RBFOX1: variants seen among roughly 807,000 people sequenced by gnomAD.
The protein encoded by RBFOX1 is RNA binding protein fox-1 homolog 1.
RBFOX1 carries 8 observed loss-of-function variants against 57.7 expected under a neutral mutation model. The observed-to-expected ratio is 0.14, with a 90% confidence interval of 0.08 to 0.25. The LOEUF (loss-of-function observed/expected upper bound fraction) is 0.25. Ranked by LOEUF, RBFOX1 falls within the 10% of genes least tolerant of loss-of-function variation. RBFOX1 has a pLI of 1.00. For missense variants in RBFOX1, 611 were observed against 548.5 expected, an observed-to-expected ratio of 1.11 and a Z score of -1.14; for synonymous variants, 326 against 222.4, an observed-to-expected ratio of 1.47 and a Z score of -4.15.
intron 3 of RBFOX1, among the ~76,000 whole-genome samples, chr16:5,836,281 G>A (rs989040240): frequency 6.6e-6 from 1 of 152,142 alleles, no homozygotes; most frequent in African/African-American, 2.4e-5. Flanking sequence ...GGAAGTCCAG[G>A]TAGACAGGCA....
downstream of RBFOX1, among the ~76,000 whole-genome samples, chr16:5,603,910 T>C (rs974573811): frequency 6.6e-6 from 1 of 152,170 alleles, no homozygotes; most frequent in African/African-American, 2.4e-5. Context: ...TTTCTCTCTT[T>C]CTTGATATAG....
chr16:7,157,949 G>T (rs1207704960), intron 4 of RBFOX1, among the ~76,000 whole-genome samples: 1 of 152,178 alleles, frequency 6.6e-6, no homozygotes, highest in Admixed American at 6.5e-5. Flanking sequence ...AGCATTTAAT[G>T]TTGAGATGAT....
rs552519557 is a variant in RBFOX1 at position 6,269,809 on chromosome 16, T to G, written c.-126-47186T>G. 2.3e-4 allele frequency among the ~76,000 whole-genome samples: 35 copies of G among 152,246 alleles called. 1 individual carries two copies. The South Asian group carries it at 7.2e-3, about 32-fold the overall frequency. ...ACATCAGCAAGGAGGAAAACAAAAA[T>G]AGCCATTAATATGATAAATTTTCCT... On this transcript the variant is annotated intron_variant, in intron 1 of 15. Transcript: ENST00000550418.
intron 4 of RBFOX1, among the ~76,000 whole-genome samples, chr16:5,962,600 C>G (rs1242003187): frequency 1.3e-5 from 2 of 152,154 alleles, no homozygotes; most frequent in East Asian, 3.8e-4. Context: ...CTACCTCATT[C>G]ATAGTCATTC....
chr16:7,614,497 G>C (rs184514212), intron 10 of RBFOX1: 1 of 152,142 alleles, frequency 6.6e-6, no homozygotes, highest in Non-Finnish European at 1.5e-5. Context: ...GATAAGATCA[G>C]TACTTGCTTA....
chr16:6,526,591 G>A (rs1430712897), intron 2 of RBFOX1, among the ~76,000 whole-genome samples: 1 of 151,978 alleles, frequency 6.6e-6, no homozygotes, highest in Admixed American at 6.6e-5. Context: ...AGCACTTTGG[G>A]AGGTGGAGGT....
At chr16:6,845,083 C>A (rs1274148263) in intron 3 of RBFOX1, among the ~76,000 whole-genome samples, 2 of 152,134 alleles carry the variant, frequency 1.3e-5, no homozygotes, top group African/African-American at 4.8e-5. Context: ...GATATTAGAC[C>A]TTTGTCAGAT....
At chr16:7,687,888 G>T (rs1198570291) in intron 14 of RBFOX1, among the ~76,000 whole-genome samples, 1 of 152,004 alleles carries the variant, frequency 6.6e-6, no homozygotes, top group Non-Finnish European at 1.5e-5. Context: ...CTGGCTGACA[G>T]ATGAGAATCA....
intron 1 of RBFOX1, among the ~76,000 whole-genome samples, chr16:6,178,062 C>G (rs1466369560): frequency 6.6e-6 from 1 of 151,772 alleles, no homozygotes; most frequent in Non-Finnish European, 1.5e-5. Flanking sequence ...TTTATTTTTC[C>G]CTAAAATATG....
chr16:5,950,036 A>G (rs28527196), intron 4 of RBFOX1, among the ~76,000 whole-genome samples: 87,204 of 152,134 alleles, frequency 0.57, 26,421 homozygotes, highest in African/African-American at 0.78. Context: ...TGAGTGATAC[A>G]TTTAATTGCT....
intron 1 of RBFOX1, among the ~76,000 whole-genome samples, chr16:5,311,466 A>G (rs964443342): frequency 6.6e-6 from 1 of 152,168 alleles, no homozygotes; most frequent in Non-Finnish European, 1.5e-5. Flanking sequence ...GTTCTTTAAG[A>G]TATCTCCATA....
chr16:6,925,757 C>A (rs148951553), intron 3 of RBFOX1, among the ~76,000 whole-genome samples: 2 of 151,596 alleles, frequency 1.3e-5, no homozygotes, highest in Non-Finnish European at 2.9e-5. Flanking sequence ...AAGCAAAGAA[C>A]GGGAAATCCC....
At chr16:7,440,508 C>A (rs62015746) in intron 4 of RBFOX1, among the ~76,000 whole-genome samples, 2 of 152,096 alleles carry the variant, frequency 1.3e-5, no homozygotes, top group African/African-American at 4.8e-5. Context: ...ATGTGGCCAG[C>A]ATTAGGCGGC....
At chr16:6,854,963 C>G (rs758516386) in intron 3 of RBFOX1, among the ~76,000 whole-genome samples, 1 of 151,704 alleles carries the variant, frequency 6.6e-6, no homozygotes, top group African/African-American at 2.4e-5. Context: ...GATTAGAATC[C>G]CTTGTTAATG....
At chr16:6,663,139 G>T (rs1173347106) in intron 3 of RBFOX1, among the ~76,000 whole-genome samples, 1 of 152,184 alleles carries the variant, frequency 6.6e-6, no homozygotes, top group Admixed American at 6.5e-5. Flanking sequence ...GGATGGGTCT[G>T]AACTAGAGCC....
At chr16:5,724,306 C>A (rs1203130101) in intron 3 of RBFOX1, among the ~76,000 whole-genome samples, 1 of 152,168 alleles carries the variant, frequency 6.6e-6, no homozygotes, top group South Asian at 2.1e-4. Context: ...ACCCTAAAGG[C>A]ACGGTGGGAT....
chr16:6,514,792 GA>G (rs2096338840), intron 2 of RBFOX1, among the ~76,000 whole-genome samples: 1 of 151,926 alleles, frequency 6.6e-6, no homozygotes, highest in Non-Finnish European at 1.5e-5. Flanking sequence ...AAGTGATGGA[GA>G]AAAATGGTGT....
In RBFOX1 at chr16:6,159,867, G is replaced by A. The variant is rs1032736149; in HGVS notation, c.-127+139875G>A. On this transcript the variant is annotated intron_variant, in intron 1 of 15. Transcript: ENST00000550418. Reference sequence around the variant, plus strand: ...CCAAAGTGCCAAGAGGAGGATATTCGGTATTAAATCAGTATCTCCTTAAAT... The same window carrying A: ...CCAAAGTGCCAAGAGGAGGATATTCAGTATTAAATCAGTATCTCCTTAAAT... Among the ~76,000 whole-genome samples the A allele has an allele frequency of 2.1e-5, 3 of 145,824 alleles. No individual in the cohort carries two copies. The Admixed American group carries it at 2.2e-4, about 11-fold the overall frequency.
In RBFOX1 at chr16:6,744,759, A is replaced by C. The variant is rs562725970; in HGVS notation, c.-16+90109A>C. Among the ~76,000 whole-genome samples, 96 of 152,220 alleles carry C rather than the reference A, an allele frequency of 6.3e-4. 1 individual carries two copies. The highest frequency in any genetic ancestry group is 2.9e-3 in the South Asian group (14 of 4,826). On this transcript the variant is annotated intron_variant, in intron 3 of 15. Coordinates refer to ENST00000550418, the MANE Select transcript of RBFOX1 (RefSeq NM_018723.4). ...GGATAGTGAAAAATGGTCTTAAATC[A>C]CTTACTTTATCTTCTGCCTTAGAAA...
Sources: gnomAD v4.1 joint callset for allele counts (sites outside exome capture counted in the v4.1 genomes callset) on GRCh38, gnomAD v4.1.1 for gene constraint, MANE v1.5 for transcripts, NCBI Gene and HGNC (gene_info 2026-07-23, HGNC 2026-07-21) for gene names.